Variants in GRK5 observed in about 807,000 individuals in gnomAD.
GRK5 encodes the protein g protein-coupled receptor kinase GRK5.
Under a neutral mutation model 78.4 loss-of-function variants are expected in GRK5, and 40 were observed. The ratio of observed to expected loss-of-function variants is 0.51; its 90% CI spans 0.40 to 0.66. GRK5 has a LOEUF of 0.66. Ranked by LOEUF, GRK5 falls within the 30% of genes least tolerant of loss-of-function variation. GRK5 has a pLI of 0.00. For synonymous variants in GRK5, 289 were observed against 296.8 expected (o/e 0.97, Z 0.27); for missense variants, 598 against 759.9 (o/e 0.79, Z 2.50).
intron 1 of GRK5, among the ~76,000 whole-genome samples, chr10:119,301,759 C>T (rs1414338581): frequency 6.6e-6 from 1 of 152,180 alleles, no homozygotes; most frequent in Admixed American, 6.5e-5. Context: ...CTTTTAGCTG[C>T]TTTTCTGATC....
chr10:119,424,658 C>A (rs769266357), intron 5 of GRK5, among the ~76,000 whole-genome samples: 7 of 152,184 alleles, frequency 4.6e-5, no homozygotes, highest in Non-Finnish European at 4.4e-5. Context: ...CCAGTCCCCC[C>A]AAACTCATTC....
At chr10:119,313,040 G>T (rs1356451380) in intron 1 of GRK5, among the ~76,000 whole-genome samples, 9 of 151,484 alleles carry the variant, frequency 5.9e-5, no homozygotes, top group African/African-American at 2.0e-4. Flanking sequence ...CAGTGGTGAT[G>T]GTGGTGGTGG....
chr10:119,424,905 T>A (rs1852642145), intron 5 of GRK5, 88 bp from the exon 6 acceptor site: 1 of 918,850 alleles, frequency 1.1e-6, no homozygotes. Context: ...CCCTGTTTAC[T>A]TGCATTTCCA....
At chr10:119,363,124 A>G (rs1851391993) in intron 2 of GRK5, among the ~76,000 whole-genome samples, 1 of 152,178 alleles carries the variant, frequency 6.6e-6, no homozygotes. Context: ...TACTAAAAAT[A>G]CAAAAAATTA....
At chr10:119,308,383 C>T (rs1314653704) in intron 1 of GRK5, among the ~76,000 whole-genome samples, 1 of 152,178 alleles carries the variant, frequency 6.6e-6, no homozygotes, top group Non-Finnish European at 1.5e-5. Flanking sequence ...AAGAACTCTG[C>T]GTGTGGCAAG....
intron 1 of GRK5, among the ~76,000 whole-genome samples, chr10:119,233,572 C>G (rs1848866386): frequency 6.6e-6 from 1 of 152,192 alleles, no homozygotes; most frequent in Admixed American, 6.5e-5. Context: ...TCCAGCCATT[C>G]TGGGGGCCAG....
intron 2 of GRK5, among the ~76,000 whole-genome samples, chr10:119,347,693 G>A (rs1851120418): frequency 6.6e-6 from 1 of 152,282 alleles, no homozygotes; most frequent in Non-Finnish European, 1.5e-5. Context: ...CCAGCCCTGG[G>A]CCTTAAGCCA....
intron 1 of GRK5, among the ~76,000 whole-genome samples, chr10:119,278,958 A>T (rs1031178091): frequency 3.3e-5 from 5 of 151,720 alleles, no homozygotes; most frequent in Non-Finnish European, 7.4e-5. Context: ...GCTCACTGCA[A>T]CCTCTCACTC....
At chr10:119,328,096 A>G (rs992614921) in intron 2 of GRK5, among the ~76,000 whole-genome samples, 17 of 152,244 alleles carry the variant, frequency 1.1e-4, no homozygotes, top group African/African-American at 4.1e-4. Context: ...TAAAGGGCTT[A>G]GCTGGTGCCC....
At chr10:119,252,882 T>C (rs182926742) in intron 1 of GRK5, among the ~76,000 whole-genome samples, 1 of 151,992 alleles carries the variant, frequency 6.6e-6, no homozygotes, top group East Asian at 1.9e-4. Flanking sequence ...CTTTGAACTT[T>C]GGAACTTGCC....
intron 2 of GRK5, among the ~76,000 whole-genome samples, chr10:119,375,374 C>A (rs536825990): frequency 1.3e-5 from 2 of 152,186 alleles, no homozygotes; most frequent in Non-Finnish European, 2.9e-5. Flanking sequence ...TCTCCCCCTG[C>A]CTGCATTGTC....
At position 119,424,919 on chromosome 10, in the gene GRK5, C is replaced by G. The variant is rs1025890100; in HGVS notation, c.441-74C>G. ...GCCCTGTTTACTTGCATTTCCAAAGCTGGACACAGCTTTGCCCCCCTGCTT... is the reference window on the plus strand; with the variant it reads ...GCCCTGTTTACTTGCATTTCCAAAGGTGGACACAGCTTTGCCCCCCTGCTT... On this transcript the variant is annotated intron_variant, in intron 5 of 15. Coordinates refer to ENST00000392870, the MANE Select transcript of GRK5 (RefSeq NM_005308.3). 1.4e-4 allele frequency: 146 copies of G among 1,067,876 alleles called. 1 individual carries two copies. Among genetic ancestry groups the G allele is most frequent in the Middle Eastern group, 2.0e-4 (1 of 5,012 alleles). 66.2% of individuals were successfully genotyped at this position (1,067,876 alleles called of 1,614,324 possible). A position where few individuals can be genotyped will look rare whatever the true frequency, so the allele number is the denominator to read the frequency against.
chr10:119,403,969 G>A (rs1852194132), intron 4 of GRK5, among the ~76,000 whole-genome samples: 1 of 152,164 alleles, frequency 6.6e-6, no homozygotes, highest in African/African-American at 2.4e-5. Context: ...TTTTGCTCTT[G>A]TGGAATAATA....
chr10:119,389,398 G>A (rs1851849706), intron 3 of GRK5, among the ~76,000 whole-genome samples: 1 of 152,216 alleles, frequency 6.6e-6, no homozygotes, highest in Non-Finnish European at 1.5e-5. Flanking sequence ...AGAGTGGAGG[G>A]TGCTTATAGT....
At chr10:119,442,380 T>A (rs1853055532) in intron 11 of GRK5, among the ~76,000 whole-genome samples, 1 of 152,150 alleles carries the variant, frequency 6.6e-6, no homozygotes, top group Non-Finnish European at 1.5e-5. Context: ...CATACAGCGC[T>A]GCTAGGGGAG....
intron 3 of GRK5, among the ~76,000 whole-genome samples, chr10:119,392,855 A>C (rs1034948407): frequency 6.6e-6 from 1 of 152,196 alleles, no homozygotes; most frequent in Non-Finnish European, 1.5e-5. Context: ...TTTTCATTGA[A>C]ATCATTGGCT....
chr10:119,251,426 C>CTTA lies in GRK5; in HGVS notation c.52+43457_52+43458insTTA, dbSNP rs1022921791. Reference sequence around the variant, plus strand: ...TGCCTGAGCTTTTCAAGAACATACTCAGAACTTTGTCTTAAGCCTGTCTTT... The same window carrying CTTA: ...TGCCTGAGCTTTTCAAGAACATACTCTTAAGAACTTTGTCTTAAGCCTGTCTTT... On this transcript the variant is annotated intron_variant, in intron 1 of 15. Transcript: ENST00000392870. Among the ~76,000 whole-genome samples the CTTA allele has an allele frequency of 1.5e-4, 23 of 152,360 alleles. 1 individual carries two copies. Among genetic ancestry groups the CTTA allele is most frequent in the African/African-American group, 5.3e-4 (22 of 41,586 alleles).
chr10:119,394,023 GTT>G (rs1010564044), intron 3 of GRK5, among the ~76,000 whole-genome samples: 1 of 149,734 alleles, frequency 6.7e-6, no homozygotes, highest in African/African-American at 2.5e-5. Context: ...GTGCGGGTGT[GTT>G]TGTGTGGATG....
At chr10:119,263,292 C>A (rs1849441184) in intron 1 of GRK5, among the ~76,000 whole-genome samples, 1 of 152,178 alleles carries the variant, frequency 6.6e-6, no homozygotes, top group African/African-American at 2.4e-5. Flanking sequence ...CAGGTGTGAG[C>A]CACCATGCCC....
Sources: allele counts gnomAD v4.1 joint callset (sites outside exome capture counted in the v4.1 genomes callset), GRCh38; gene constraint gnomAD v4.1.1; transcripts MANE v1.5; gene names NCBI Gene and HGNC (gene_info 2026-07-23, HGNC 2026-07-21).